The following PCF11 variants were observed in gnomAD, a reference collection of about 807,000 sequenced individuals.
PCF11 encodes PCF11 cleavage and polyadenylation factor subunit, also known as pre-mRNA cleavage complex 2 protein Pcf11.
Under a neutral mutation model 166.1 loss-of-function variants are expected in PCF11, and 19 were observed. The ratio of observed to expected loss-of-function variants is 0.11; its 90% confidence interval spans 0.08 to 0.17. PCF11 has a LOEUF of 0.17. PCF11 is among the 10% of genes least tolerant of loss of function. PCF11 has a pLI of 1.00. For synonymous variants in PCF11, 663 were observed against 644.1 expected, an observed-to-expected ratio of 1.03 and a Z score of -0.44; for missense variants, 1,565 against 1,855.5, an observed-to-expected ratio of 0.84 and a Z score of 2.88.
At chr11:83,179,139 A>G (rs2135443313) in intron 11 of PCF11, among the ~76,000 whole-genome samples, 1 of 152,240 alleles carries the variant, frequency 6.6e-6, no homozygotes, top group Non-Finnish European at 1.5e-5. Flanking sequence ...ACTTTCACAT[A>G]AAGGCTTTTA....
chr11:83,166,448 A>G, exon 5 of PCF11: 1 of 1,614,012 alleles, frequency 6.2e-7, no homozygotes, highest in Non-Finnish European at 8.5e-7. Flanking sequence ...CGACACCTAA[A>G]GCTGGAAAGA....
chr11:83,176,474 G>A (rs1262887222), intron 9 of PCF11, among the ~76,000 whole-genome samples: 1 of 152,144 alleles, frequency 6.6e-6, no homozygotes, highest in Non-Finnish European at 1.5e-5. Flanking sequence ...AAGAAAGTGT[G>A]GCACATATAC....
chr11:83,163,985 T>C (rs1243820341), intron 3 of PCF11, 118 bp downstream of exon 3: 16 of 583,018 alleles, frequency 2.7e-5, no homozygotes, highest in Non-Finnish European at 4.0e-5. Flanking sequence ...TGGTTCAATT[T>C]GAAAAAAAAA....
intron 9 of PCF11, among the ~76,000 whole-genome samples, chr11:83,172,246 A>C (rs1356928342): frequency 6.6e-6 from 1 of 152,174 alleles, no homozygotes; most frequent in Non-Finnish European, 1.5e-5. Flanking sequence ...AGACCTTAGA[A>C]ATCTCAGTGA....
exon 13 of PCF11, chr11:83,181,890 G>A (rs11233510): frequency 6.2e-7 from 1 of 1,611,482 alleles, no homozygotes; most frequent in Admixed American, 1.7e-5. Flanking sequence ...TGATCTGGAA[G>A]AACGGGCAAA....
intron 1 of PCF11, 165 bp downstream of exon 1, chr11:83,157,796 T>C (rs1306950034): frequency 1.6e-6 from 1 of 637,986 alleles, no homozygotes; most frequent in South Asian, 1.9e-5. Flanking sequence ...GCTTCGAGCA[T>C]GGGCCTCTGG....
chr11:83,186,858 C>T (rs999314137), exon 16 of PCF11: 1 of 152,078 alleles, frequency 6.6e-6, no homozygotes, highest in African/African-American at 2.4e-5. Context: ...CTGGGGAAAC[C>T]ACCATAGCTT....
At chr11:83,172,950 A>G (rs1208638686) in intron 9 of PCF11, among the ~76,000 whole-genome samples, 1 of 152,194 alleles carries the variant, frequency 6.6e-6, no homozygotes, top group Non-Finnish European at 1.5e-5. Flanking sequence ...AATTCAATGA[A>G]TTTGGAAGCT....
chr11:83,161,283 G>A (rs748900593), intron 1 of PCF11, 44 bp from the exon 2 acceptor site: 1 of 1,495,054 alleles, frequency 6.7e-7, no homozygotes, highest in Non-Finnish European at 9.1e-7. Flanking sequence ...TAATTATTTG[G>A]TGGTAATTCA....
chr11:83,163,445 A>G (rs554884450), intron 2 of PCF11, among the ~76,000 whole-genome samples: 4 of 152,234 alleles, frequency 2.6e-5, no homozygotes, highest in African/African-American at 9.6e-5. Context: ...AACGTTTTGT[A>G]TATAGAAAGG....
chr11:83,160,258 GGTAA>G (rs1267647453), intron 1 of PCF11, among the ~76,000 whole-genome samples: 5 of 151,482 alleles, frequency 3.3e-5, no homozygotes, highest in South Asian at 2.1e-4. Flanking sequence ...GGCAGCTATG[GGTAA>G]GTGTTACTTA....
At chr11:83,177,060 TTTC>T in intron 9 of PCF11, 22 bp from the exon 10 acceptor site, 1 of 1,433,824 alleles carries the variant, frequency 7.0e-7, no homozygotes, top group Non-Finnish European at 9.2e-7. Flanking sequence ...AGTGGTTTTT[TTTC>T]TTTCTTTCTT....
rs775461184 is a variant in PCF11 at position 83,168,555 on chromosome 11, G to C, written c.2220G>C (p.Gln740His). Residue 740 changes from glutamine to histidine, a missense_variant, in exon 8 of 16, where the codon CAG becomes CAC. Gln to His is a conservative substitution (Grantham distance 24, BLOSUM62 0). Around this residue, in one of 12 missense-constraint regions of PCF11, gnomAD observed 725 missense variants for 749.3 expected, o/e 0.97. Transcript: ENST00000298281. Reference sequence around the variant, plus strand: ...GATTCGCCGGCCTGGATACAAATCAGCGACTTACAGCTTTAGCTGAAGACA... The same window carrying C: ...GATTCGCCGGCCTGGATACAAATCACCGACTTACAGCTTTAGCTGAAGACA... 2.5e-6 allele frequency: 4 copies of C among 1,614,018 alleles called. No homozygotes were observed. The South Asian group carries it at 4.4e-5, about 18-fold the overall frequency.
chr11:83,160,774 G>C lies in PCF11; in HGVS notation c.193-553G>C, dbSNP rs370535696. On this transcript the variant is annotated intron_variant, in intron 1 of 15. Transcript: ENST00000298281. ...CCTGCATGTTCGTGTGCAAGTTTCA[G>C]TGTTTTGCCATTGACTTCCTAGGTG... 2.5e-3 allele frequency among the ~76,000 whole-genome samples: 388 copies of C among 152,208 alleles called. 4 individuals are homozygous for C. The highest frequency in any genetic ancestry group is 8.4e-3 in the African/African-American group (347 of 41,516).
chr11:83,182,327 T>G (rs1387974845), intron 13 of PCF11, 72 bp from the exon 14 acceptor site: 11 of 786,536 alleles, frequency 1.4e-5, no homozygotes, highest in Admixed American at 1.2e-4. Context: ...TTAACAGTGT[T>G]TGTATATTTT....
rs73512653 is a variant in PCF11 at position 83,165,021 on chromosome 11, T to G, written c.703-579T>G. On this transcript the variant is annotated intron_variant, in intron 4 of 15. Transcript: ENST00000298281. ...GATGGTAGGCATGTTGTGGCAAATA[T>G]TTTTGCATAGTCTTTAATGTTTTAT... Among the ~76,000 whole-genome samples the G allele has an allele frequency of 1.1e-3, 173 of 152,312 alleles. 1 individual carries two copies. Among genetic ancestry groups the G allele is most frequent in the African/African-American group, 4.0e-3 (167 of 41,574 alleles).
At chr11:83,187,425 G>C (rs923838428) in exon 16 of PCF11, 12 of 152,178 alleles carry the variant, frequency 7.9e-5, no homozygotes, top group Non-Finnish European at 1.5e-4. Flanking sequence ...TCTAACTGTT[G>C]ACCTAAGAAC....
At chr11:83,175,651 G>A (rs1860851682) in intron 9 of PCF11, among the ~76,000 whole-genome samples, 1 of 152,200 alleles carries the variant, frequency 6.6e-6, no homozygotes, top group Admixed American at 6.5e-5. Context: ...CTGCTCTGGA[G>A]GCTGAGGCAG....
In PCF11 at chr11:83,167,343, T is replaced by C. The variant is rs372385553; in HGVS notation, c.2001+35T>C. ...ATGATTAATCCCATGTAGTCATCAT[T>C]ATCTATCGTCTATTTTTTTGGTATT... On this transcript the variant is annotated intron_variant, in intron 6 of 15. Transcript: ENST00000298281. This position sits in a 1 kb window ranked among gnomAD's most constrained non-coding sequence, Gnocchi z 4.2. 9.6e-6 allele frequency: 15 copies of C among 1,556,752 alleles called. 1 individual carries two copies. The highest frequency in any genetic ancestry group is 9.5e-6 in the Non-Finnish European group (11 of 1,152,870).
Sources: gnomAD v4.1 joint callset for allele counts (sites outside exome capture counted in the v4.1 genomes callset) on GRCh38, gnomAD v4.1.1 for gene constraint, gnomAD v4.1.1 regional missense constraint, Gnocchi (gnomAD v3.1) non-coding constraint, MANE v1.5 for transcripts, NCBI Gene and HGNC (gene_info 2026-07-23, HGNC 2026-07-21) for gene names.